NXPH1: variants seen among roughly 807,000 people sequenced by gnomAD.
The protein encoded by NXPH1 is neurexophilin 1.
A neutral mutation model predicts 23.7 loss-of-function variants in NXPH1; 5 were observed. The ratio of observed to expected loss-of-function variants is 0.21; its 90% CI spans 0.11 to 0.44. The LOEUF is 0.44. Ranked by LOEUF, NXPH1 falls within the 20% of genes least tolerant of loss-of-function variation. The pLI, the probability that NXPH1 is intolerant of heterozygous loss-of-function variation, is 0.99. For synonymous variants in NXPH1, 144 were observed against 122.2 expected (o/e 1.18, Z -1.18); for missense variants, 324 against 321.6 (o/e 1.01, Z -0.06).
intron 2 of NXPH1, among the ~76,000 whole-genome samples, chr7:8,633,779 C>G (rs1027235411): frequency 6.6e-6 from 1 of 152,154 alleles, no homozygotes; most frequent in Non-Finnish European, 1.5e-5. Flanking sequence ...TTGACAGTCT[C>G]TCTTGAGTTG....
intron 2 of NXPH1, among the ~76,000 whole-genome samples, chr7:8,441,681 C>G (rs1466582763): frequency 1.3e-5 from 2 of 152,192 alleles, no homozygotes; most frequent in Non-Finnish European, 1.5e-5. Context: ...AATTACTATG[C>G]AAGCTTTCCA....
chr7:8,658,678 TA>T (rs1820619205), intron 2 of NXPH1, among the ~76,000 whole-genome samples: 1 of 152,210 alleles, frequency 6.6e-6, no homozygotes, highest in Non-Finnish European at 1.5e-5. Flanking sequence ...AGTGTATTTA[TA>T]AAAACAATAT....
At chr7:8,601,009 CAT>C (rs1191126979) in intron 2 of NXPH1, among the ~76,000 whole-genome samples, 3 of 150,924 alleles carry the variant, frequency 2.0e-5, no homozygotes, top group East Asian at 1.9e-4. Flanking sequence ...TTATAAGTAA[CAT>C]AGAGATGATT....
chr7:8,596,036 T>C (rs1373737585), intron 2 of NXPH1, among the ~76,000 whole-genome samples: 3 of 152,138 alleles, frequency 2.0e-5, no homozygotes, highest in African/African-American at 7.2e-5. Context: ...ATGTCTATGA[T>C]GTACATGTCA....
At chr7:8,572,744 A>T (rs1208401532) in intron 2 of NXPH1, among the ~76,000 whole-genome samples, 1 of 152,068 alleles carries the variant, frequency 6.6e-6, no homozygotes, top group Non-Finnish European at 1.5e-5. Context: ...AGACTTGGGT[A>T]TATATTAGTT....
chr7:8,672,199 C>T (rs1358771828), intron 2 of NXPH1, among the ~76,000 whole-genome samples: 1 of 151,976 alleles, frequency 6.6e-6, no homozygotes, highest in Non-Finnish European at 1.5e-5. Context: ...AAATTGGAAA[C>T]CATCATTCTC....
chr7:8,733,824 G>T (rs1161922462), intron 2 of NXPH1, among the ~76,000 whole-genome samples: 1 of 152,088 alleles, frequency 6.6e-6, no homozygotes, highest in African/African-American at 2.4e-5. Context: ...CCATTCTGTA[G>T]GTTGTCTGTT....
chr7:8,486,167 C>T (rs978581), intron 2 of NXPH1, among the ~76,000 whole-genome samples: 73,698 of 151,994 alleles, frequency 0.48, 18,594 homozygotes, highest in East Asian at 0.78. Context: ...TATCTGCTTG[C>T]AAGTAGTTTC....
At chr7:8,469,649 G>T (rs1309120683) in intron 2 of NXPH1, among the ~76,000 whole-genome samples, 3 of 151,964 alleles carry the variant, frequency 2.0e-5, no homozygotes, top group Non-Finnish European at 2.9e-5. Context: ...CATTATGAAG[G>T]TTACCAGGGA....
intron 2 of NXPH1, among the ~76,000 whole-genome samples, chr7:8,571,908 G>T (rs1050205637): frequency 6.6e-6 from 1 of 151,470 alleles, no homozygotes; most frequent in African/African-American, 2.4e-5. Flanking sequence ...ACTTGGTTTG[G>T]AAGGATGTGA....
intron 2 of NXPH1, among the ~76,000 whole-genome samples, chr7:8,436,333 C>A (rs1229247534): frequency 1.3e-5 from 2 of 152,180 alleles, no homozygotes; most frequent in African/African-American, 4.8e-5. Flanking sequence ...CAGAGATACT[C>A]CAGCAAACAT....
At chr7:8,460,928 C>T (rs933493708) in intron 2 of NXPH1, among the ~76,000 whole-genome samples, 2 of 152,216 alleles carry the variant, frequency 1.3e-5, no homozygotes, top group Non-Finnish European at 2.9e-5. Context: ...GGCACTCACT[C>T]AGTAGGGCCT....
chr7:8,695,588 A>G (rs1821295732), intron 2 of NXPH1, among the ~76,000 whole-genome samples: 1 of 152,152 alleles, frequency 6.6e-6, no homozygotes, highest in South Asian at 2.1e-4. Context: ...TCTATGGTTA[A>G]GTAGATATGA....
At chr7:8,687,936 G>C (rs551184840) in intron 2 of NXPH1, among the ~76,000 whole-genome samples, 1 of 151,866 alleles carries the variant, frequency 6.6e-6, no homozygotes, top group South Asian at 2.1e-4. Flanking sequence ...TTTTTTCCAC[G>C]TGGTACAAAT....
chr7:8,727,292 A>G (rs200035380), intron 2 of NXPH1, among the ~76,000 whole-genome samples: 60,497 of 104,094 alleles, frequency 0.58, 19,443 homozygotes, highest in African/African-American at 0.81. Context: ...TAGGTTGCCT[A>G]TTCACTCTGA....
At chr7:8,701,889 G>T (rs1779628884) in intron 2 of NXPH1, among the ~76,000 whole-genome samples, 1 of 151,942 alleles carries the variant, frequency 6.6e-6, no homozygotes, top group South Asian at 2.1e-4. Flanking sequence ...ATCTTTGTGG[G>T]TGATTATCTA....
At chr7:8,500,561 G>C (rs1272693812) in intron 2 of NXPH1, among the ~76,000 whole-genome samples, 1 of 152,044 alleles carries the variant, frequency 6.6e-6, no homozygotes, top group East Asian at 1.9e-4. Flanking sequence ...TGCCTGACAT[G>C]TGTTTGCTAT....
intron 2 of NXPH1, among the ~76,000 whole-genome samples, chr7:8,744,085 T>C (rs938271746): frequency 6.6e-6 from 1 of 152,208 alleles, no homozygotes; most frequent in East Asian, 1.9e-4. Flanking sequence ...GCTCCTTTGA[T>C]GTTAGATCTA....
At chr7:8,560,004 A>G (rs1818414491) in intron 2 of NXPH1, among the ~76,000 whole-genome samples, 1 of 151,672 alleles carries the variant, frequency 6.6e-6, no homozygotes, top group Non-Finnish European at 1.5e-5. Flanking sequence ...AGAGCCATGC[A>G]TTTGCCGTCT....
Sources: allele counts gnomAD v4.1 joint callset (sites outside exome capture counted in the v4.1 genomes callset), GRCh38; gene constraint gnomAD v4.1.1; transcripts MANE v1.5; gene names NCBI Gene and HGNC (gene_info 2026-07-23, HGNC 2026-07-21).